Variants in AIM2 observed in about 807,000 individuals in gnomAD.
AIM2 encodes interferon-inducible protein AIM2.
AIM2 carries 30 observed loss-of-function variants against 27.7 expected under a neutral mutation model. The ratio of observed to expected loss-of-function variants is 1.08; its 90% CI spans 0.81 to 1.47. The LOEUF (loss-of-function observed/expected upper bound fraction) is 1.47, where lower values mean the gene tolerates loss of function less well. Ranked by LOEUF, AIM2 falls within the 40% of genes most tolerant of loss-of-function variation. The pLI, the probability that AIM2 is intolerant of heterozygous loss-of-function variation, is 0.00. For synonymous variants in AIM2, 141 were observed against 145.3 expected, an observed-to-expected ratio of 0.97 and a Z score of 0.21; for missense variants, 358 against 411.3, an observed-to-expected ratio of 0.87 and a Z score of 1.12.
chr1:159,102,370 C>G (rs1316642754), intron 1 of AIM2, among the ~76,000 whole-genome samples: 2 of 152,228 alleles, frequency 1.3e-5, no homozygotes, highest in Non-Finnish European at 2.9e-5. Flanking sequence ...CATGGAGAAC[C>G]TCTGCTAGGG....
chr1:159,107,302 GTGTA>G (rs1162744789), intron 1 of AIM2, among the ~76,000 whole-genome samples: 120 of 150,800 alleles, frequency 8.0e-4, no homozygotes, highest in African/African-American at 2.6e-3. Flanking sequence ...ATGTACATGT[GTGTA>G]TGTGTGTGTG....
the AIM2 span, among the ~76,000 whole-genome samples, chr1:159,056,734 A>AAC: frequency 4.0e-5 from 6 of 149,702 alleles, no homozygotes; most frequent in East Asian, 2.0e-4. Flanking sequence ...AAAAAAAAAA[A>AAC]AAAAAAAAAA....
intron 1 of AIM2, among the ~76,000 whole-genome samples, chr1:159,087,655 C>A (rs1028251109): frequency 3.3e-5 from 5 of 150,366 alleles, no homozygotes; most frequent in Non-Finnish European, 7.4e-5. Flanking sequence ...TCACTGCAAC[C>A]TCTGCCTCCT....
At chr1:159,090,407 A>T (rs1657018095) in intron 1 of AIM2, among the ~76,000 whole-genome samples, 2 of 152,272 alleles carry the variant, frequency 1.3e-5, no homozygotes, top group African/African-American at 2.4e-5. Context: ...ATGTAAAAAT[A>T]ATACATGAAT....
chr1:159,075,281 T>C (rs1294119908), intron 1 of AIM2, among the ~76,000 whole-genome samples: 1 of 152,034 alleles, frequency 6.6e-6, no homozygotes, highest in Non-Finnish European at 1.5e-5. Flanking sequence ...ATACACAAAA[T>C]ATATATCTGG....
At chr1:159,056,849 T>C in the AIM2 span, among the ~76,000 whole-genome samples, 21,132 of 151,118 alleles carry the variant, frequency 0.14, 1,917 homozygotes, top group East Asian at 0.32. Flanking sequence ...GTTTGGAGGA[T>C]GCATCTGACG....
chr1:159,143,581 TACACACACACACACACACACACAC>T (rs6143439), upstream of AIM2, among the ~76,000 whole-genome samples: 58 of 144,160 alleles, frequency 4.0e-4, no homozygotes, highest in East Asian at 1.1e-3. Context: ...GCTCAGTGTG[TACACACACACACACACACACACAC>T]ACACACACAC....
At chr1:159,095,940 A>C (rs748944627) in intron 1 of AIM2, among the ~76,000 whole-genome samples, 1 of 152,214 alleles carries the variant, frequency 6.6e-6, no homozygotes, top group Non-Finnish European at 1.5e-5. Flanking sequence ...AGAGTATGGA[A>C]TTAGACTAGG....
At chr1:159,102,206 G>A (rs1408208646) in intron 1 of AIM2, among the ~76,000 whole-genome samples, 4 of 152,332 alleles carry the variant, frequency 2.6e-5, no homozygotes, top group Non-Finnish European at 5.9e-5. Context: ...TTCAGAGGGT[G>A]CAAGCTCCAA....
At chr1:159,129,663 A>G (rs1334157059) in intron 1 of AIM2, among the ~76,000 whole-genome samples, 2 of 152,218 alleles carry the variant, frequency 1.3e-5, no homozygotes, top group Admixed American at 1.3e-4. Flanking sequence ...AAATGGAATC[A>G]TGCCCTCAGA....
intron 1 of AIM2, among the ~76,000 whole-genome samples, chr1:159,106,366 G>A (rs567354722): frequency 9.0e-4 from 137 of 152,216 alleles, no homozygotes; most frequent in Non-Finnish European, 1.7e-3. Flanking sequence ...ACAGGCTTCC[G>A]CTGCTATCAC....
intron 1 of AIM2, among the ~76,000 whole-genome samples, chr1:159,097,469 C>T (rs542878360): frequency 9.2e-5 from 14 of 152,176 alleles, no homozygotes; most frequent in African/African-American, 3.1e-4. Flanking sequence ...TGTGGACACA[C>T]ACAATTTCAC....
At chr1:159,133,631 A>AT (rs1647951832) in intron 1 of AIM2, among the ~76,000 whole-genome samples, 4 of 152,314 alleles carry the variant, frequency 2.6e-5, no homozygotes, top group Admixed American at 2.6e-4. Context: ...TAGTGGATAC[A>AT]TTTTAGTTAT....
intron 1 of AIM2, among the ~76,000 whole-genome samples, chr1:159,127,735 G>C (rs1647758603): frequency 1.3e-5 from 2 of 152,224 alleles, no homozygotes; most frequent in South Asian, 4.2e-4. Context: ...TCAGCAAGTG[G>C]GCCCTCACCA....
upstream of AIM2, among the ~76,000 whole-genome samples, chr1:159,141,691 A>C (rs1333816178): frequency 3.3e-5 from 5 of 152,052 alleles, no homozygotes; most frequent in Admixed American, 3.3e-4. Flanking sequence ...AGACCTCACC[A>C]CACACACAGC....
intron 1 of AIM2, among the ~76,000 whole-genome samples, chr1:159,103,831 C>T (rs868050073): frequency 6.6e-6 from 1 of 152,102 alleles, no homozygotes; most frequent in Non-Finnish European, 1.5e-5. Flanking sequence ...CTCTTTCTGA[C>T]AAATCACTTT....
At chr1:159,143,720 T>C (rs1570987316), upstream of AIM2, among the ~76,000 whole-genome samples, 3 of 152,286 alleles carry the variant, frequency 2.0e-5, no homozygotes, top group South Asian at 6.2e-4. Context: ...TATAAGATCA[T>C]GTGTTGTCTA....
chr1:159,078,962 A>G (rs1656708209), upstream of AIM2, among the ~76,000 whole-genome samples: 1 of 152,188 alleles, frequency 6.6e-6, no homozygotes, highest in South Asian at 2.1e-4. Context: ...AATTAAACTA[A>G]CTCATAAATA....
chr1:159,140,998 C>T (rs1338997221), upstream of AIM2, among the ~76,000 whole-genome samples: 1 of 152,178 alleles, frequency 6.6e-6, no homozygotes, highest in African/African-American at 2.4e-5. Context: ...TAGTGTGTTG[C>T]TCTGTGGTTT....
Sources: allele counts gnomAD v4.1 joint callset (sites outside exome capture counted in the v4.1 genomes callset), GRCh38; gene constraint gnomAD v4.1.1; transcripts MANE v1.5; gene names NCBI Gene and HGNC (gene_info 2026-07-23, HGNC 2026-07-21).